The following DCUN1D2 variants were observed in gnomAD, a reference collection of about 807,000 sequenced individuals.
The protein encoded by DCUN1D2 is DCN1-like protein 2.
In DCUN1D2, 29 loss-of-function variants were observed where a neutral mutation model predicts 30.9. That is an observed-to-expected ratio of 0.94 (90% CI 0.70 to 1.28). The LOEUF (loss-of-function observed/expected upper bound fraction) is 1.28. Ranked by LOEUF, DCUN1D2 falls within the 50% of genes most tolerant of loss-of-function variation. The pLI is 0.00. For synonymous variants in DCUN1D2, 121 were observed against 115.3 expected (o/e 1.05, Z -0.32); for missense variants, 325 against 316.9 (o/e 1.03, Z -0.19).
chr13:113,484,116 T>C, intron 1 of DCUN1D2, 60 bp from the exon 2 acceptor site: 1 of 1,602,210 alleles, frequency 6.2e-7, no homozygotes, highest in Non-Finnish European at 8.5e-7. Context: ...GTCCCAGCTT[T>C]AGCCTAACGC....
intron 4 of DCUN1D2, 130 bp downstream of exon 4, chr13:113,473,994 G>A (rs2044568192): frequency 1.8e-6 from 2 of 1,126,890 alleles, no homozygotes; most frequent in Non-Finnish European, 2.5e-6. Flanking sequence ...GACAGAGCAA[G>A]ACCGTATCTC....
Position 113,490,699 on chromosome 13 carries a change from C to A in DCUN1D2, c.-30G>T. ...CCCGCGCCGCCCGCTTCTGGCCGGCCCCGGCCTTCTGCGCAGGCGCGGCGG... is the reference window on the plus strand; with the variant it reads ...CCCGCGCCGCCCGCTTCTGGCCGGCACCGGCCTTCTGCGCAGGCGCGGCGG... On this transcript the variant is annotated 5_prime_UTR_variant, in exon 1 of 7. Transcript: ENST00000478244. This position sits in a 1 kb window ranked among gnomAD's most constrained non-coding sequence, Gnocchi z 5.2. 9.0e-6 allele frequency: 11 copies of A among 1,218,000 alleles called. No individual in the cohort carries two copies. The highest frequency in any genetic ancestry group is 1.1e-5 in the Non-Finnish European group (11 of 977,978). The allele number at this position is 1,218,000 out of a possible 1,614,324, so 75.4% of individuals were successfully genotyped here. A position where few individuals can be genotyped will look rare whatever the true frequency, so the allele number is the denominator to read the frequency against.
intron 2 of DCUN1D2, among the ~76,000 whole-genome samples, chr13:113,483,528 C>T (rs979407954): frequency 6.6e-6 from 1 of 152,230 alleles, no homozygotes; most frequent in Admixed American, 6.5e-5. Context: ...GACACCAAGC[C>T]TCCCAGCAGC....
intron 6 of DCUN1D2, 63 bp from the exon 7 acceptor site, chr13:113,458,171 G>C (rs2044257093): frequency 9.8e-6 from 13 of 1,320,904 alleles, no homozygotes; most frequent in Non-Finnish European, 8.7e-6. Flanking sequence ...AAAGCACTGA[G>C]TCACACATCA....
Position 113,490,528 on chromosome 13 carries a change from T to A in DCUN1D2, c.3+139A>T. The A allele has an allele frequency of 1.1e-6, 1 of 918,590 alleles. No homozygotes were observed. The highest frequency in any genetic ancestry group is 1.4e-6 in the Non-Finnish European group (1 of 702,166). 56.9% of individuals were successfully genotyped at this position (918,590 alleles called of 1,614,324 possible). ...TCCGGCTCGCGGGCCCGCGGCGCGT[T>A]CCTCCCTCGGATCCACGCGGAACGC... is the stretch of plus-strand genomic sequence containing the variant. On this transcript the variant is annotated intron_variant, in intron 1 of 6. Transcript: ENST00000478244. The surrounding 1 kb of genome is among the most constrained non-coding windows in gnomAD (Gnocchi z 5.2).
intron 4 of DCUN1D2, among the ~76,000 whole-genome samples, chr13:113,471,557 G>C (rs1250397217): frequency 6.6e-6 from 1 of 152,168 alleles, no homozygotes; most frequent in Non-Finnish European, 1.5e-5. Flanking sequence ...GCATATATGA[G>C]AACACTGACC....
Position 113,471,778 on chromosome 13 carries a change from G to C in DCUN1D2, c.520+2346C>G, listed in dbSNP as rs764850194. Among the ~76,000 whole-genome samples the C allele has an allele frequency of 3.3e-5, 5 of 152,182 alleles. 1 individual carries two copies. On this transcript the variant is annotated intron_variant, in intron 4 of 6. Coordinates refer to ENST00000478244, the MANE Select transcript of DCUN1D2 (RefSeq NM_001014283.2). ...TTAAGACATTCAAAGGATCGAAAAGGATTTTTCATACCCAGCACGCAAGGA... is the reference window on the plus strand; with the variant it reads ...TTAAGACATTCAAAGGATCGAAAAGCATTTTTCATACCCAGCACGCAAGGA...
chr13:113,466,422 G>A (rs969738636), intron 4 of DCUN1D2, among the ~76,000 whole-genome samples: 21 of 152,186 alleles, frequency 1.4e-4, no homozygotes, highest in African/African-American at 4.1e-4. Flanking sequence ...TAAATCAAGA[G>A]TTATTTTACA....
chr13:113,467,050 C>T (rs897328927), intron 4 of DCUN1D2, among the ~76,000 whole-genome samples: 20 of 152,130 alleles, frequency 1.3e-4, no homozygotes, highest in African/African-American at 3.9e-4. Flanking sequence ...CCTCGTGATC[C>T]GCCCGCCTCG....
chr13:113,459,279 TC>T, intron 6 of DCUN1D2, 32 bp downstream of exon 6: 1 of 1,177,784 alleles, frequency 8.5e-7, no homozygotes, highest in African/African-American at 1.5e-5. Flanking sequence ...TGTAAGCATT[TC>T]GGTCAATCAT....
intron 5 of DCUN1D2, among the ~76,000 whole-genome samples, chr13:113,459,919 C>T (rs9577555): frequency 0.15 from 22,734 of 152,120 alleles, 1,875 homozygotes; most frequent in Middle Eastern, 0.29. Flanking sequence ...TTTTTTAGTC[C>T]GTTCTCCTGT....
At chr13:113,481,194 T>A (rs1316458706) in intron 2 of DCUN1D2, among the ~76,000 whole-genome samples, 1 of 152,228 alleles carries the variant, frequency 6.6e-6, no homozygotes, top group Non-Finnish European at 1.5e-5. Context: ...TTAAGTGATT[T>A]CATTTGCTAA....
intron 4 of DCUN1D2, among the ~76,000 whole-genome samples, chr13:113,464,253 A>T (rs61663146): frequency 1.3e-5 from 2 of 152,230 alleles, no homozygotes; most frequent in Non-Finnish European, 2.9e-5. Flanking sequence ...TCATTTAAGT[A>T]TCTACAGGAG....
At chr13:113,463,593 C>T (rs1409765421) in intron 4 of DCUN1D2, among the ~76,000 whole-genome samples, 1 of 151,918 alleles carries the variant, frequency 6.6e-6, no homozygotes, top group African/African-American at 2.4e-5. Context: ...AAGACTCTAG[C>T]CAGTATGAAA....
intron 1 of DCUN1D2, chr13:113,489,244 C>T: frequency 1.6e-6 from 1 of 639,776 alleles, no homozygotes; most frequent in Non-Finnish European, 1.9e-6. Flanking sequence ...GAACGCTCCT[C>T]TCCAGCATCC....
chr13:113,484,480 C>T (rs1030362137), intron 1 of DCUN1D2, among the ~76,000 whole-genome samples: 3 of 152,026 alleles, frequency 2.0e-5, no homozygotes, highest in African/African-American at 7.2e-5. Flanking sequence ...AGAGGCTGTG[C>T]GGTTTGGAGA....
chr13:113,467,380 T>C (rs2044423832), intron 4 of DCUN1D2, among the ~76,000 whole-genome samples: 1 of 152,188 alleles, frequency 6.6e-6, no homozygotes, highest in Non-Finnish European at 1.5e-5. Flanking sequence ...TTGAAACTGG[T>C]CTGTGATCAC....
chr13:113,485,900 G>A lies in DCUN1D2; in HGVS notation c.4-1844C>T, dbSNP rs72666973. ...CAGCAGAGGCCTCCGTGGGCTGCAA[G>A]GCCTGTGATATCACAGGAATGAACG... On this transcript the variant is annotated intron_variant, in intron 1 of 6. Coordinates refer to ENST00000478244, the MANE Select transcript of DCUN1D2 (RefSeq NM_001014283.2). Among the ~76,000 whole-genome samples, 176 of 152,186 alleles carry A rather than the reference G, an allele frequency of 1.2e-3. 1 individual carries two copies. The highest frequency in any genetic ancestry group is 1.7e-3 in the Non-Finnish European group (119 of 68,018).
intron 4 of DCUN1D2, among the ~76,000 whole-genome samples, chr13:113,470,879 C>T (rs1318292296): frequency 6.7e-6 from 1 of 149,814 alleles, no homozygotes; most frequent in African/African-American, 2.5e-5. Flanking sequence ...GAACCCAGCT[C>T]CAAAGAAGAC....
Sources: gnomAD v4.1 joint callset for allele counts (sites outside exome capture counted in the v4.1 genomes callset) on GRCh38, gnomAD v4.1.1 for gene constraint, Gnocchi (gnomAD v3.1) non-coding constraint, MANE v1.5 for transcripts, NCBI Gene and HGNC (gene_info 2026-07-23, HGNC 2026-07-21) for gene names.